Variants in PRC1 observed in about 807,000 individuals in gnomAD.
PRC1 encodes the protein protein regulator of cytokinesis 1, also known as anaphase spindle elongation 1 homolog.
Under a neutral mutation model 91.2 loss-of-function variants are expected in PRC1, and 54 were observed. The ratio of observed to expected loss-of-function variants is 0.59; its 90% CI spans 0.48 to 0.74. The LOEUF is 0.74. Among genes scored for constraint, PRC1 ranks in the 30% least tolerant of loss-of-function variants. The pLI is 0.00. For synonymous variants in PRC1, 275 were observed against 263.6 expected (o/e 1.04, Z -0.42); for missense variants, 727 against 746.2 (o/e 0.97, Z 0.30).
intron 11 of PRC1, among the ~76,000 whole-genome samples, chr15:90,971,738 C>T (rs1375877569): frequency 6.6e-6 from 1 of 151,968 alleles, no homozygotes; most frequent in Non-Finnish European, 1.5e-5. Flanking sequence ...TGCCTGTAAT[C>T]CCAGCTACTC....
chr15:90,980,900 G>A lies in PRC1; in HGVS notation c.806C>T (p.Ala269Val), dbSNP rs1279210523. The A allele has an allele frequency of 2.5e-6, 4 of 1,614,018 alleles. No individual in the cohort carries two copies. The highest frequency in any genetic ancestry group is 3.4e-6 in the Non-Finnish European group (4 of 1,180,020). The change falls in exon 6 of 15, where the codon GCC becomes GTC. Residue 269 changes from alanine (A) to valine (V), a missense_variant. Transcript: ENST00000394249. ...AVATIMSGSK[A>V]KVRKALQLEV... ...GTTTCTTACCGCTTTCCGGACCTTG[G>A]CCTTTGACCCAGACATAATGGTGGC... is the stretch of plus-strand genomic sequence containing the variant.
Position 90,966,607 on chromosome 15 carries a change from C to T in PRC1, c.*524G>A, listed in dbSNP as rs1055760537. On this transcript the variant is annotated 3_prime_UTR_variant, in exon 15 of 15. Transcript: ENST00000394249. ...CCTCTTTGGCAGTAGGGCAGGCCAT[C>T]TCAACTTCGGACACACAAAGACATT... The T allele has an allele frequency of 1.5e-5, 7 of 456,018 alleles. No homozygotes were observed. The highest frequency in any genetic ancestry group is 1.2e-4 in the African/African-American group (6 of 50,072). 28.2% of individuals were successfully genotyped at this position (456,018 alleles called of 1,614,324 possible). A position where few individuals can be genotyped will look rare whatever the true frequency, so the allele number is the denominator to read the frequency against.
At chr15:90,969,187 G>T in intron 13 of PRC1, 67 bp from the exon 14 acceptor site, 1 of 1,515,928 alleles carries the variant, frequency 6.6e-7, no homozygotes, top group Non-Finnish European at 9.2e-7. Flanking sequence ...AGTGATAGAG[G>T]GGTTGCCTCC....
At chr15:90,979,131 T>G (rs763202697) in intron 8 of PRC1, 27 bp downstream of exon 8, 26 of 1,605,846 alleles carry the variant, frequency 1.6e-5, no homozygotes, top group Non-Finnish European at 2.1e-5. Context: ...TTCTTAACAG[T>G]TAAAAACACA....
chr15:90,993,600 T>G (rs542051844), intron 1 of PRC1, among the ~76,000 whole-genome samples: 2 of 152,326 alleles, frequency 1.3e-5, no homozygotes, highest in Admixed American at 6.5e-5. Flanking sequence ...TATTTGGAAG[T>G]CACAAGGTTG....
chr15:90,976,417 G>C (rs1344496617), intron 9 of PRC1, among the ~76,000 whole-genome samples: 1 of 151,788 alleles, frequency 6.6e-6, no homozygotes, highest in African/African-American at 2.4e-5. Context: ...CTGACCTCGC[G>C]ATATGCCTGC....
In PRC1 at chr15:90,974,718, A is replaced by G. The variant is rs2038519213; in HGVS notation, c.1217T>C (p.Leu406Ser). Residue 406 changes from leucine (L) to serine (S), a missense_variant, in exon 10 of 15, where the codon TTG (leucine) becomes TCG (serine). Coordinates refer to ENST00000394249, the MANE Select transcript of PRC1 (RefSeq NM_003981.4). This position sits in a 1 kb window ranked among gnomAD's most constrained non-coding sequence, Gnocchi z 4.6. The part of the protein sequence containing the change: ...QKMLPKLEEE[L>S]KARIELWEQE... ...TTCCCACAATTCAATTCGTGCCTTC[A>G]ACTCTTCTTCCAGCTGAGACCAGAA... The G allele has an allele frequency of 6.2e-7, 1 of 1,614,220 alleles. No individual in the cohort carries two copies. The highest frequency in any genetic ancestry group is 1.7e-5 in the Admixed American group (1 of 60,028).
chr15:90,979,590 C>A (rs112925506), intron 7 of PRC1, among the ~76,000 whole-genome samples: 92 of 152,320 alleles, frequency 6.0e-4, no homozygotes, highest in African/African-American at 2.1e-3. Flanking sequence ...GCTTTTCTGT[C>A]TTGCCCAGCC....
chr15:90,981,397 C>T, intron 5 of PRC1, 102 bp downstream of exon 5: 4 of 1,345,518 alleles, frequency 3.0e-6, no homozygotes, highest in Admixed American at 1.9e-5. Context: ...ATTCTCTTAC[C>T]TTACATTGTC....
At position 90,990,086 on chromosome 15, in the gene PRC1, C is replaced by G. The variant is rs144769138; in HGVS notation, c.11+4321G>C. On this transcript the variant is annotated intron_variant, in intron 1 of 14. Coordinates refer to ENST00000394249, the MANE Select transcript of PRC1 (RefSeq NM_003981.4). The stretch of plus-strand genomic sequence containing the variant: ...GGGTGCGGTGGATCACTCCTGTAAT[C>G]CCAGCACTTTGGGTGCCAAGACCGG... 5.3e-3 allele frequency among the ~76,000 whole-genome samples: 809 copies of G among 152,166 alleles called. 10 individuals are homozygous for G. The highest frequency in any genetic ancestry group is 0.019 in the African/African-American group (791 of 41,516).
chr15:90,981,546 A>G lies in PRC1; in HGVS notation c.625T>C (p.Cys209Arg), dbSNP rs1182007221. Residue 209 changes from cysteine (C) to arginine (R), a missense_variant, in exon 5 of 15, where the codon TGT becomes CGT. Physicochemically the swap from Cys to Arg is radical, Grantham distance 180. Coordinates refer to ENST00000394249, the MANE Select transcript of PRC1 (RefSeq NM_003981.4). ...GTTGCAATATTCTCCAAAGACAAACAAAAGGCATCTTCGTCTTCACACACC... is the reference window on the plus strand; with the variant it reads ...GTTGCAATATTCTCCAAAGACAAACGAAAGGCATCTTCGTCTTCACACACC... ...DVVCEDEDAFCLSLENIATLQ... is the reference protein window; with the variant it reads ...DVVCEDEDAFRLSLENIATLQ... The G allele has an allele frequency of 6.2e-7, 1 of 1,614,034 alleles. No individual in the cohort carries two copies. Among genetic ancestry groups the G allele is most frequent in the Non-Finnish European group, 8.5e-7 (1 of 1,180,032 alleles).
intron 1 of PRC1, among the ~76,000 whole-genome samples, chr15:90,993,070 CAAAAAA>C (rs67427806): frequency 3.2e-5 from 1 of 30,920 alleles, no homozygotes; most frequent in Admixed American, 5.0e-4. Flanking sequence ...GACCCCGTCT[CAAAAAA>C]AAAAAAAAAA....
In PRC1 at chr15:90,969,790, A is replaced by ATATATG. The variant is rs1555450082; in HGVS notation, c.1573-168_1573-167insCATATA. Among the ~76,000 whole-genome samples, 318 of 108,832 alleles carry ATATATG rather than the reference A, an allele frequency of 2.9e-3. 4 individuals carry two copies. The highest frequency in any genetic ancestry group is 0.012 in the African/African-American group (309 of 24,762). The allele number at this position is 108,832 out of a possible 152,430, so 71.4% of individuals were successfully genotyped here. On this transcript the variant is annotated intron_variant, in intron 12 of 14. Coordinates refer to ENST00000394249, the MANE Select transcript of PRC1 (RefSeq NM_003981.4). ...TATATATATATATATATATATATAT[A>ATATATG]TATATATATATGGGGCTGGGTGTGG...
rs187618297 is a variant in PRC1 at position 90,973,392 on chromosome 15, C to T, written c.1461+744G>A. 1.1e-4 allele frequency among the ~76,000 whole-genome samples: 16 copies of T among 152,354 alleles called. No homozygotes were observed. The East Asian group carries it at 1.4e-3, about 13-fold the overall frequency. On this transcript the variant is annotated intron_variant, in intron 11 of 14. Coordinates refer to ENST00000394249, the MANE Select transcript of PRC1 (RefSeq NM_003981.4). ...GATTAACCAGGGGCACGATGCACTG[C>T]GGAAAGCCGCAGGGACCTCTGCCCA...
chr15:90,968,613 G>A, intron 14 of PRC1: 1 of 995,958 alleles, frequency 1.0e-6, no homozygotes, highest in Non-Finnish European at 1.2e-6. Flanking sequence ...AGGCAAAGGT[G>A]AGGAAATCAG....
chr15:90,975,905 CAT>C (rs746283249), intron 9 of PRC1, among the ~76,000 whole-genome samples: 3 of 152,078 alleles, frequency 2.0e-5, no homozygotes, highest in Admixed American at 6.6e-5. Context: ...TTAGGCCACA[CAT>C]ATTGTGGGAA....
intron 9 of PRC1, among the ~76,000 whole-genome samples, chr15:90,975,807 G>C (rs1286334253): frequency 2.0e-5 from 3 of 152,132 alleles, no homozygotes; most frequent in Non-Finnish European, 4.4e-5. Flanking sequence ...AACACAGCGA[G>C]ACCCCATCTC....
chr15:90,977,534 T>G (rs989957725), intron 8 of PRC1, among the ~76,000 whole-genome samples: 6 of 151,990 alleles, frequency 3.9e-5, no homozygotes, highest in Non-Finnish European at 8.8e-5. Context: ...TTCTTAAATA[T>G]TGGCATGTCA....
chr15:90,992,605 C>A (rs2040040741), intron 1 of PRC1, among the ~76,000 whole-genome samples: 1 of 152,050 alleles, frequency 6.6e-6, no homozygotes, highest in Non-Finnish European at 1.5e-5. Context: ...GTTGTATGAT[C>A]TTAAGATGCT....
Sources: gnomAD v4.1 joint callset for allele counts (sites outside exome capture counted in the v4.1 genomes callset) on GRCh38, gnomAD v4.1.1 for gene constraint, Gnocchi (gnomAD v3.1) non-coding constraint, MANE v1.5 for transcripts, NCBI Gene and HGNC (gene_info 2026-07-23, HGNC 2026-07-21) for gene names.